The following NPAS3 variants were observed in gnomAD, a reference collection of about 807,000 sequenced individuals.
NPAS3 encodes neuronal PAS domain protein 3.
In NPAS3, 14 loss-of-function variants were observed where a neutral mutation model predicts 73.1. The observed-to-expected ratio is 0.19, with a 90% confidence interval of 0.13 to 0.30. The LOEUF is 0.30. Among genes scored for constraint, NPAS3 ranks in the 10% least tolerant of loss-of-function variants. The pLI, the probability that NPAS3 is intolerant of heterozygous loss-of-function variation, is 1.00. For missense variants in NPAS3, 1,096 were observed against 1,250.0 expected (o/e 0.88, Z 1.86); for synonymous variants, 620 against 541.5 (o/e 1.14, Z -2.01).
chr14:33,050,784 T>G (rs1282307651), intron 1 of NPAS3, among the ~76,000 whole-genome samples: 1 of 152,184 alleles, frequency 6.6e-6, no homozygotes, highest in Non-Finnish European at 1.5e-5. Context: ...TATAAAAATA[T>G]TTGACCCTAC....
chr14:33,371,271 C>T (rs1297594815), intron 4 of NPAS3, among the ~76,000 whole-genome samples: 5 of 151,922 alleles, frequency 3.3e-5, no homozygotes, highest in South Asian at 2.1e-4. Flanking sequence ...AGTCGCTGTG[C>T]GGAGTAAGTG....
intron 2 of NPAS3, among the ~76,000 whole-genome samples, chr14:33,193,115 C>T (rs1473014554): frequency 1.3e-5 from 2 of 151,352 alleles, no homozygotes; most frequent in Non-Finnish European, 2.9e-5. Context: ...CATAAAAGTT[C>T]TGGCTTTGTT....
At chr14:33,447,807 C>G (rs1470582235) in intron 4 of NPAS3, among the ~76,000 whole-genome samples, 8 of 152,078 alleles carry the variant, frequency 5.3e-5, no homozygotes, top group African/African-American at 1.9e-4. Context: ...ATGAGCTACT[C>G]AGAAGGCTAA....
At chr14:33,572,937 C>T (rs4258504) in intron 5 of NPAS3, among the ~76,000 whole-genome samples, 2 of 148,068 alleles carry the variant, frequency 1.4e-5, no homozygotes, top group Non-Finnish European at 3.0e-5. Context: ...GCAGGAGAAT[C>T]GCTTAACCCC....
chr14:33,504,135 G>A (rs1031433220), intron 4 of NPAS3, among the ~76,000 whole-genome samples: 4 of 151,818 alleles, frequency 2.6e-5, no homozygotes, highest in African/African-American at 9.7e-5. Flanking sequence ...AATACTTCAA[G>A]TCTAATCTTT....
chr14:33,219,651 G>A (rs532686472), intron 3 of NPAS3, among the ~76,000 whole-genome samples: 15 of 152,242 alleles, frequency 9.9e-5, no homozygotes, highest in African/African-American at 3.6e-4. Flanking sequence ...GTAGAGACTT[G>A]CAGGCTTGTA....
rs563064340 is a variant in NPAS3 at position 33,223,482 on chromosome 14, G to C, written c.385+8056G>C. On this transcript the variant is annotated intron_variant, in intron 3 of 11. Coordinates refer to ENST00000356141, the Ensembl canonical transcript of NPAS3. ...AGAAATGAATGTGCAATACATAATGGTATGACAGCTTTCAAGAAAATTAAA... is the reference window on the plus strand; with the variant it reads ...AGAAATGAATGTGCAATACATAATGCTATGACAGCTTTCAAGAAAATTAAA... Among the ~76,000 whole-genome samples, 7 of 152,242 alleles carry C rather than the reference G, an allele frequency of 4.6e-5. No individual in the cohort carries two copies. In the East Asian group the frequency reaches 1.2e-3, roughly 25 times the overall value.
At chr14:33,033,421 G>A (rs2040062305) in intron 1 of NPAS3, among the ~76,000 whole-genome samples, 1 of 152,106 alleles carries the variant, frequency 6.6e-6, no homozygotes, top group Non-Finnish European at 1.5e-5. Flanking sequence ...GGATGTTGCA[G>A]TGAGCCGGGA....
At chr14:33,225,052 A>G (rs936756702) in intron 3 of NPAS3, among the ~76,000 whole-genome samples, 1 of 152,188 alleles carries the variant, frequency 6.6e-6, no homozygotes, top group Non-Finnish European at 1.5e-5. Context: ...GTTATTTCCC[A>G]CTTTCCTGCC....
At chr14:33,089,154 T>C (rs887390067) in intron 2 of NPAS3, among the ~76,000 whole-genome samples, 5 of 152,170 alleles carry the variant, frequency 3.3e-5, no homozygotes, top group African/African-American at 1.2e-4. Flanking sequence ...ACGGAGAATA[T>C]CTTTGACGAG....
At chr14:33,174,850 C>T (rs949504032) in intron 2 of NPAS3, among the ~76,000 whole-genome samples, 7 of 151,990 alleles carry the variant, frequency 4.6e-5, no homozygotes, top group African/African-American at 7.2e-5. Flanking sequence ...GCAGCGATGG[C>T]GGGATTTGAA....
chr14:33,641,621 T>C (rs540932207), intron 5 of NPAS3, among the ~76,000 whole-genome samples: 1 of 152,144 alleles, frequency 6.6e-6, no homozygotes, highest in South Asian at 2.1e-4. Flanking sequence ...GATACCTCTC[T>C]CCTGATGGAG....
intron 2 of NPAS3, among the ~76,000 whole-genome samples, chr14:33,096,787 G>A (rs1183748793): frequency 2.6e-5 from 4 of 152,010 alleles, no homozygotes; most frequent in South Asian, 4.1e-4. Context: ...CTTCTATGAC[G>A]GTCATTCATG....
intron 4 of NPAS3, among the ~76,000 whole-genome samples, chr14:33,403,501 T>C (rs2047534185): frequency 6.6e-6 from 1 of 152,082 alleles, no homozygotes; most frequent in South Asian, 2.1e-4. Flanking sequence ...ACTGATAAAA[T>C]GGTAAATAGT....
chr14:33,565,714 A>C (rs1228829125), intron 5 of NPAS3, among the ~76,000 whole-genome samples: 12 of 152,216 alleles, frequency 7.9e-5, no homozygotes. Context: ...AAGACAAAAA[A>C]GGTATTATTT....
chr14:33,716,412 G>T (rs189033004), intron 6 of NPAS3, among the ~76,000 whole-genome samples: 1 of 151,220 alleles, frequency 6.6e-6, no homozygotes, highest in Non-Finnish European at 1.5e-5. Context: ...TCTGTTTTTT[G>T]TCTCATTAGT....
intron 2 of NPAS3, among the ~76,000 whole-genome samples, chr14:33,200,531 T>G (rs2139584897): frequency 6.6e-6 from 1 of 152,112 alleles, no homozygotes; most frequent in East Asian, 1.9e-4. Flanking sequence ...TGCCCCATAA[T>G]TAAATCCTAC....
intron 5 of NPAS3, among the ~76,000 whole-genome samples, chr14:33,569,401 G>T (rs1390430732): frequency 6.6e-6 from 1 of 152,116 alleles, no homozygotes; most frequent in Non-Finnish European, 1.5e-5. Flanking sequence ...AGATACCTGT[G>T]GGCCATGTGT....
At chr14:33,427,662 CT>C (rs559028382) in intron 4 of NPAS3, among the ~76,000 whole-genome samples, 367 of 151,952 alleles carry the variant, frequency 2.4e-3, no homozygotes, top group African/African-American at 7.2e-3. Context: ...GAGCCAAATA[CT>C]TTGAATGTCA....
Sources: gnomAD v4.1 joint callset for allele counts (sites outside exome capture counted in the v4.1 genomes callset) on GRCh38, gnomAD v4.1.1 for gene constraint, MANE v1.5 for transcripts, NCBI Gene and HGNC (gene_info 2026-07-23, HGNC 2026-07-21) for gene names.